COL5A1: variants seen among roughly 807,000 people sequenced by gnomAD.
COL5A1 encodes collagen alpha-1(V) chain.
In COL5A1, 16 loss-of-function variants were observed where a neutral mutation model predicts 263.7. The ratio of observed to expected loss-of-function variants is 0.06; its 90% confidence interval spans 0.04 to 0.09. The LOEUF is 0.09. Ranked by LOEUF, COL5A1 falls within the 10% of genes least tolerant of loss-of-function variation. The pLI is 1.00. For missense variants in COL5A1, 2,036 were observed against 2,540.5 expected (o/e 0.80, Z 4.27); for synonymous variants, 1,012 against 1,004.5 (o/e 1.01, Z -0.14).
chr9:134,761,946 C>T lies in COL5A1; in HGVS notation c.1957C>T (p.Pro653Ser). ...CTAGGGTGACCCTGGTCCTTCCGGC[C>T]CACCAGGACCTCCGGGAGACGATGG... ...GHRGDPGPSG[P>S]PGPPGDDGER... The change falls in exon 19 of 66, where the codon CCA becomes TCA. Residue 653 changes from proline to serine, a missense_variant. This residue lies in a region of COL5A1 where 1,078 missense variants were observed against 1,521.4 expected (regional missense o/e 0.71). Transcript: ENST00000371817. 1 of 1,613,554 alleles carries T rather than the reference C, an allele frequency of 6.2e-7. No individual in the cohort carries two copies. The highest frequency in any genetic ancestry group is 8.5e-7 in the Non-Finnish European group (1 of 1,180,018).
intron 22 of COL5A1, 34 bp downstream of exon 22, chr9:134,766,532 G>T (rs1402118794): frequency 6.2e-7 from 1 of 1,610,980 alleles, no homozygotes; most frequent in African/African-American, 1.3e-5. Flanking sequence ...CTGGCTTCAG[G>T]GGCACTTTCC....
At chr9:134,795,389 A>G (rs1837867989) in intron 34 of COL5A1, 74 bp downstream of exon 34, 7 of 1,235,738 alleles carry the variant, frequency 5.7e-6, no homozygotes, top group Non-Finnish European at 8.1e-6. Context: ...GGAGCGTCTG[A>G]GGGTGTCTGT....
chr9:134,824,627 C>T lies in COL5A1; in HGVS notation c.4726C>T (p.Leu1576=). ...PGPPGEVIQP[L]PIQASRTRRN... is the part of the protein sequence containing the mutation. ...CCCCCCGGGAGAGGTCATCCAGCCCCTGCCAATCCAGGCATCCAGGACGCG... is the reference window on the plus strand; with the variant it reads ...CCCCCCGGGAGAGGTCATCCAGCCCTTGCCAATCCAGGCATCCAGGACGCG... Residue 1576 remains leucine (L), a synonymous_variant, in exon 62 of 66, where the codon CTG becomes TTG. Transcript: ENST00000371817. 1 of 1,614,188 alleles carries T rather than the reference C, an allele frequency of 6.2e-7. No individual in the cohort carries two copies. The highest frequency in any genetic ancestry group is 8.5e-7 in the Non-Finnish European group (1 of 1,180,034).
At position 134,728,688 on chromosome 9, in the gene COL5A1, G is replaced by A. The variant is rs761079177; in HGVS notation, c.805G>A (p.Glu269Lys). ...PDEYYTEGDGEGETYYYEYPY... is the reference protein window; with the variant it reads ...PDEYYTEGDGKGETYYYEYPY... ...CTTTCAGTACACGGAAGGAGACGGC[G>A]AGGGTGAGACCTATTACTACGAATA... is the stretch of plus-strand genomic sequence containing the variant. The change falls in exon 6 of 66, where the codon GAG becomes AAG. Residue 269 changes from glutamate (E) to lysine (K), a missense_variant. Coordinates refer to ENST00000371817, the MANE Select transcript of COL5A1 (RefSeq NM_000093.5). 1.4e-4 allele frequency: 230 copies of A among 1,614,162 alleles called. 1 individual carries two copies. In the Middle Eastern group the frequency reaches 2.1e-3, roughly 15 times the overall value.
intron 4 of COL5A1, among the ~76,000 whole-genome samples, chr9:134,719,242 A>C (rs1056972271): frequency 6.6e-6 from 1 of 152,224 alleles, no homozygotes; most frequent in Non-Finnish European, 1.5e-5. Flanking sequence ...CATATGCATA[A>C]AAGTGTGTGC....
chr9:134,707,838 G>A (rs1211014002), intron 4 of COL5A1, among the ~76,000 whole-genome samples: 2 of 152,328 alleles, frequency 1.3e-5, no homozygotes, highest in South Asian at 2.1e-4. Flanking sequence ...CTGGGCAGCC[G>A]GGGAAGCCCC....
At chr9:134,684,652 T>C (rs1186607652) in intron 1 of COL5A1, among the ~76,000 whole-genome samples, 3 of 152,184 alleles carry the variant, frequency 2.0e-5, no homozygotes, top group Admixed American at 6.5e-5. Context: ...TAGAGTGACA[T>C]GGAATGCGGT....
chr9:134,662,184 C>G (rs1000013957), intron 1 of COL5A1, among the ~76,000 whole-genome samples: 7 of 150,686 alleles, frequency 4.6e-5, no homozygotes, highest in African/African-American at 1.7e-4. Context: ...GGAGGGTAGT[C>G]TGGTCTCTTT....
At position 134,700,879 on chromosome 9, in the gene COL5A1, G is replaced by C. The variant is rs972317913; in HGVS notation, c.492-292G>C. Among the ~76,000 whole-genome samples, 1 of 152,142 alleles carries C rather than the reference G, an allele frequency of 6.6e-6. No homozygotes were observed. Among genetic ancestry groups the C allele is most frequent in the Non-Finnish European group, 1.5e-5 (1 of 68,036 alleles). On this transcript the variant is annotated intron_variant, in intron 3 of 65. Transcript: ENST00000371817. The surrounding 1 kb of genome is among the most constrained non-coding windows in gnomAD (Gnocchi z 4.0). ...CACTCCTGGGTCCCGAGCCAGTGCC[G>C]AGTGCTGTGTGCTCCCCCTTCCCCC...
chr9:134,760,525 C>G (rs1288214461), intron 18 of COL5A1, among the ~76,000 whole-genome samples: 1 of 124,924 alleles, frequency 8.0e-6, no homozygotes, highest in Non-Finnish European at 1.7e-5. Context: ...CACCCACACA[C>G]CCCCACACTC....
intron 63 of COL5A1, among the ~76,000 whole-genome samples, chr9:134,828,899 C>T (rs1165928679): frequency 1.5e-5 from 2 of 136,552 alleles, no homozygotes; most frequent in African/African-American, 2.7e-5. Context: ...CATTATACCA[C>T]ACACACAGCA....
At position 134,815,373 on chromosome 9, in the gene COL5A1, T is replaced by C. The variant is rs375114078; in HGVS notation, c.4015-203T>C. Among the ~76,000 whole-genome samples the C allele has an allele frequency of 8.8e-4, 134 of 152,348 alleles. 3 individuals are homozygous for C. The South Asian group carries it at 0.027, about 31-fold the overall frequency. ...ACCAGCTGACCCCTGCCATGCCCAC[T>C]GGCCAGGCTTGCTGGCTCTGGGACA... On this transcript the variant is annotated intron_variant, in intron 50 of 65. Coordinates refer to ENST00000371817, the MANE Select transcript of COL5A1 (RefSeq NM_000093.5).
At position 134,701,192 on chromosome 9, in the gene COL5A1, C is replaced by A; in HGVS notation, c.513C>A (p.Ser171Arg). The A allele has an allele frequency of 6.2e-7, 1 of 1,613,904 alleles. No individual in the cohort carries two copies. Among genetic ancestry groups the A allele is most frequent in the Non-Finnish European group, 8.5e-7 (1 of 1,180,014 alleles). Residue 171 changes from serine (S) to arginine (R), a missense_variant, in exon 4 of 66, where the codon AGC becomes AGA. Physicochemically the swap from Ser to Arg is moderately radical, Grantham distance 110 (BLOSUM62 -1). Transcript: ENST00000371817. The stretch of plus-strand genomic sequence containing the variant: ...GCAGGTGGCACAGAATTGCTCTCAG[C>A]GTCCACAAGAAAAATGTCACCTTGA... ...SDGKWHRIAL[S>R]VHKKNVTLIL...
rs753423111 is a variant in COL5A1, at chr9:134,728,741, A to G, written c.858A>G (p.Leu286=). 3 of 1,614,214 alleles carry G rather than the reference A, an allele frequency of 1.9e-6. No homozygotes were observed. The highest frequency in any genetic ancestry group is 2.5e-6 in the Non-Finnish European group (3 of 1,180,032). The part of the protein sequence containing the change: ...EYPYYEDPED[L]GKEPTPSKKP... ...CCTACTACGAAGACCCCGAAGACCT[A>G]GGGAAGGAGCCCACCCCCAGCAAGA... Residue 286 remains leucine (L), a synonymous_variant, in exon 6 of 66, where the codon CTA becomes CTG. Transcript: ENST00000371817.
chr9:134,674,201 A>G (rs1832624575), intron 1 of COL5A1, among the ~76,000 whole-genome samples: 1 of 152,204 alleles, frequency 6.6e-6, no homozygotes, highest in Admixed American at 6.5e-5. Flanking sequence ...GCGTCCATAC[A>G]GAGACATGTA....
At chr9:134,691,456 C>T in intron 2 of COL5A1, 2 of 284,562 alleles carry the variant, frequency 7.0e-6, no homozygotes, top group East Asian at 8.0e-5. Flanking sequence ...GGAAAGGAAG[C>T]ACTTCCAGAC....
chr9:134,765,880 G>T lies in COL5A1; in HGVS notation c.2088+146G>T. 1 of 664,642 alleles carries T rather than the reference G, an allele frequency of 1.5e-6. No homozygotes were observed. The highest frequency in any genetic ancestry group is 1.9e-5 in the South Asian group (1 of 53,048). The allele number at this position is 664,642 out of a possible 1,614,324, so 41.2% of individuals were successfully genotyped here. On this transcript the variant is annotated intron_variant, in intron 21 of 65. Coordinates refer to ENST00000371817, the MANE Select transcript of COL5A1 (RefSeq NM_000093.5). This position sits in a 1 kb window ranked among gnomAD's most constrained non-coding sequence, Gnocchi z 5.1. ...CTGCTGCCAGTGTGAGGCGTGAGCG[G>T]GACACTGATGTTCAGACGCTGTAGA... is the stretch of plus-strand genomic sequence containing the variant.
rs751959615 is a variant in COL5A1 at position 134,789,130 on chromosome 9, GCCT to G, written c.2647-18_2647-16del. 12 of 1,610,918 alleles carry G rather than the reference GCCT, an allele frequency of 7.4e-6. No individual in the cohort carries two copies. In the East Asian group the frequency reaches 2.7e-4, roughly 36 times the overall value. On this transcript the variant is annotated intron_variant, in intron 31 of 65. Coordinates refer to ENST00000371817, the MANE Select transcript of COL5A1 (RefSeq NM_000093.5). The surrounding 1 kb of genome is among the most constrained non-coding windows in gnomAD (Gnocchi z 4.8). ...GACTCATTCCTGGCCCAGCTCTGAT[GCCT>G]CCTCCTTAAACTCTCTTTCAGGGCT...
At chr9:134,721,200 A>AC (rs1198225323) in intron 4 of COL5A1, among the ~76,000 whole-genome samples, 5 of 144,486 alleles carry the variant, frequency 3.5e-5, no homozygotes, top group African/African-American at 1.3e-4. Context: ...TCCATCCAGG[A>AC]CCCCCCATGA....
Sources: gnomAD v4.1 joint callset for allele counts (sites outside exome capture counted in the v4.1 genomes callset) on GRCh38, gnomAD v4.1.1 for gene constraint, gnomAD v4.1.1 regional missense constraint, Gnocchi (gnomAD v3.1) non-coding constraint, MANE v1.5 for transcripts, NCBI Gene and HGNC (gene_info 2026-07-23, HGNC 2026-07-21) for gene names.